SEPTIN9: variants seen among roughly 807,000 people sequenced by gnomAD.
SEPTIN9 encodes septin 9, also known as septin-9.
SEPTIN9 carries 13 observed loss-of-function variants against 56.6 expected under a neutral mutation model. That is an observed-to-expected ratio of 0.23 (90% confidence interval 0.15 to 0.37). The LOEUF (loss-of-function observed/expected upper bound fraction) is 0.37, where lower values mean the gene tolerates loss of function less well. Among genes scored for constraint, SEPTIN9 ranks in the 10% least tolerant of loss-of-function variants. SEPTIN9 has a pLI of 1.00. For missense variants in SEPTIN9, 650 were observed against 823.1 expected, an observed-to-expected ratio of 0.79 and a Z score of 2.57; for synonymous variants, 332 against 334.1, an observed-to-expected ratio of 0.99 and a Z score of 0.07.
rs879089431 is a variant in SEPTIN9, at chr17:77,429,693, C to T, written c.721+26990C>T. Reference sequence around the variant, plus strand: ...CAGGAGCTGGCCAGTAATAGGCTGACGAGGGAGGCCCTGCTGGCTGGGCCT... The same window carrying T: ...CAGGAGCTGGCCAGTAATAGGCTGATGAGGGAGGCCCTGCTGGCTGGGCCT... On this transcript the variant is annotated intron_variant, in intron 3 of 11. Transcript: ENST00000427177. This position sits in a 1 kb window ranked among gnomAD's most constrained non-coding sequence, Gnocchi z 5.2. Among the ~76,000 whole-genome samples the T allele has an allele frequency of 3.2e-4, 48 of 152,100 alleles. 1 individual carries two copies. The highest frequency in any genetic ancestry group is 1.1e-3 in the African/African-American group (44 of 41,488).
chr17:77,457,850 G>C (rs567695879), intron 3 of SEPTIN9, among the ~76,000 whole-genome samples: 1 of 152,328 alleles, frequency 6.6e-6, no homozygotes, highest in Admixed American at 6.5e-5. Flanking sequence ...AGTGCCTCCT[G>C]TAATGTTTTA....
rs150145635 is a variant in SEPTIN9 at position 77,350,939 on chromosome 17, G to T, written c.76+43742G>T. Among the ~76,000 whole-genome samples the T allele has an allele frequency of 3.7e-3, 561 of 151,536 alleles. 5 individuals carry two copies. The highest frequency in any genetic ancestry group is 0.012 in the African/African-American group (484 of 40,952). On this transcript the variant is annotated intron_variant, in intron 2 of 11. Coordinates refer to ENST00000427177, the MANE Select transcript of SEPTIN9 (RefSeq NM_001113491.2). ...ACAAGGAAGGGCTTTCCTGCAGGGG[G>T]GTGTGTGTGCCTGTGTGTGCCTGTG...
intron 3 of SEPTIN9, chr17:77,428,958 C>T (rs1234268373): frequency 2.2e-6 from 1 of 456,886 alleles, no homozygotes; most frequent in Non-Finnish European, 4.6e-6. Flanking sequence ...CATGTCACAG[C>T]CCTGGTTATA....
intron 3 of SEPTIN9, among the ~76,000 whole-genome samples, chr17:77,426,777 A>C (rs2036931248): frequency 6.6e-6 from 1 of 152,010 alleles, no homozygotes; most frequent in African/African-American, 2.4e-5. Context: ...CTTGCCGTTT[A>C]TTTGTTCATA....
chr17:77,488,811 C>A lies in SEPTIN9; in HGVS notation c.1209C>A (p.Ile403=), dbSNP rs567692033. The A allele has an allele frequency of 7.4e-6, 12 of 1,613,764 alleles. No individual in the cohort carries two copies. The highest frequency in any genetic ancestry group is 1.0e-5 in the Non-Finnish European group (12 of 1,179,856). Residue 403 remains isoleucine, a synonymous_variant, in exon 7 of 12, where the codon ATC becomes ATA. Coordinates refer to ENST00000427177, the MANE Select transcript of SEPTIN9 (RefSeq NM_001113491.2). ...TCAACATCAACCGCAAGAAGCGCAT[C>A]CCGGACACCCGCGTCCACTGCTGCC... The part of the protein sequence containing the change: ...EEVNINRKKR[I]PDTRVHCCLY...
intron 2 of SEPTIN9, among the ~76,000 whole-genome samples, chr17:77,325,881 G>A (rs977462551): frequency 3.3e-5 from 5 of 152,136 alleles, no homozygotes; most frequent in African/African-American, 7.2e-5. Context: ...CACCACATGG[G>A]TTTCCACTGT....
At chr17:77,383,323 C>T (rs2035215004) in intron 2 of SEPTIN9, among the ~76,000 whole-genome samples, 1 of 152,154 alleles carries the variant, frequency 6.6e-6, no homozygotes, top group South Asian at 2.1e-4. Context: ...TAATTGAGCA[C>T]CTCCTAGGTG....
At chr17:77,306,747 C>T (rs1349752981) in intron 1 of SEPTIN9, among the ~76,000 whole-genome samples, 1 of 152,158 alleles carries the variant, frequency 6.6e-6, no homozygotes, top group African/African-American at 2.4e-5. Context: ...AGACTCCGTC[C>T]AGCAGAGACA....
Position 77,313,016 on chromosome 17 carries a change from C to T in SEPTIN9, c.76+5819C>T, listed in dbSNP as rs138604699. Among the ~76,000 whole-genome samples, 1 of 152,236 alleles carries T rather than the reference C, an allele frequency of 6.6e-6. No individual in the cohort carries two copies. Among genetic ancestry groups the T allele is most frequent in the African/African-American group, 2.4e-5 (1 of 41,532 alleles). ...GGGGCGCTGGTTTAGATCATCTTCA[C>T]GTTGGATCCACAAATTCATTGTTTA... On this transcript the variant is annotated intron_variant, in intron 2 of 11. Coordinates refer to ENST00000427177, the MANE Select transcript of SEPTIN9 (RefSeq NM_001113491.2). This position sits in a 1 kb window ranked among gnomAD's most constrained non-coding sequence, Gnocchi z 4.5.
Position 77,317,954 on chromosome 17 carries a change from G to A in SEPTIN9, c.76+10757G>A, listed in dbSNP as rs2032767841. On this transcript the variant is annotated intron_variant, in intron 2 of 11. Transcript: ENST00000427177. This position sits in a 1 kb window ranked among gnomAD's most constrained non-coding sequence, Gnocchi z 4.2. ...TAGTCCCAGCTTCTTGGGAGGCTGA[G>A]GCAGAAGAATTGCTTGAACCCAGGT... 6.6e-6 allele frequency among the ~76,000 whole-genome samples: 1 copy of A among 152,102 alleles called. No individual in the cohort carries two copies. Among genetic ancestry groups the A allele is most frequent in the Non-Finnish European group, 1.5e-5 (1 of 68,022 alleles).
chr17:77,296,798 A>T (rs1008216470), intron 1 of SEPTIN9, among the ~76,000 whole-genome samples: 1 of 152,206 alleles, frequency 6.6e-6, no homozygotes, highest in African/African-American at 2.4e-5. Flanking sequence ...GGTTGCAGTG[A>T]GCTGAGATCA....
rs1453690035 is a variant in SEPTIN9, at chr17:77,327,368, C to T, written c.76+20171C>T. ...AACGGCCAGAGCTTCTGAAGCCGCT[C>T]GCTGTGTGCCCCCGCCTGGCCCCAT... On this transcript the variant is annotated intron_variant, in intron 2 of 11. Coordinates refer to ENST00000427177, the MANE Select transcript of SEPTIN9 (RefSeq NM_001113491.2). The surrounding 1 kb of genome is among the most constrained non-coding windows in gnomAD (Gnocchi z 5.0). 2.0e-5 allele frequency among the ~76,000 whole-genome samples: 3 copies of T among 152,196 alleles called. No homozygotes were observed. The highest frequency in any genetic ancestry group is 4.4e-5 in the Non-Finnish European group (3 of 68,030).
In SEPTIN9 at chr17:77,451,278, C is replaced by T. The variant is rs2037956606; in HGVS notation, c.722-30866C>T. ...GGTTGCTTCTGCGCCGGGCCTGCCG[C>T]TGGGCGCCCCTATCTCTGCCTGCCC... On this transcript the variant is annotated intron_variant, in intron 3 of 11. Coordinates refer to ENST00000427177, the MANE Select transcript of SEPTIN9 (RefSeq NM_001113491.2). This position sits in a 1 kb window ranked among gnomAD's most constrained non-coding sequence, Gnocchi z 4.2. 17 of 789,842 alleles carry T rather than the reference C, an allele frequency of 2.2e-5. No individual in the cohort carries two copies. The highest frequency in any genetic ancestry group is 2.6e-5 in the Non-Finnish European group (17 of 650,996). The allele number at this position is 789,842 out of a possible 1,614,324, so 48.9% of individuals were successfully genotyped here.
At position 77,345,931 on chromosome 17, in the gene SEPTIN9, G is replaced by GTTGTTTTGTT. The variant is rs10535531; in HGVS notation, c.76+38763_76+38772dup. Among the ~76,000 whole-genome samples the GTTGTTTTGTT allele has an allele frequency of 4.3e-4, 64 of 149,094 alleles. 1 individual carries two copies. Among genetic ancestry groups the GTTGTTTTGTT allele is most frequent in the Middle Eastern group, 3.4e-3 (1 of 294 alleles). On this transcript the variant is annotated intron_variant, in intron 2 of 11. Transcript: ENST00000427177. ...TTTTTCCAGATTCTTTGTTTTTTTT[G>GTTGTTTTGTT]TTGTTTTGTTTTGTTTTGTTTTGTT...
At position 77,402,208 on chromosome 17, in the gene SEPTIN9, C is replaced by T. The variant is rs202079794; in HGVS notation, c.226C>T (p.Arg76Cys). 347 of 1,613,600 alleles carry T rather than the reference C, an allele frequency of 2.2e-4. No homozygotes were observed. Among genetic ancestry groups the T allele is most frequent in the Non-Finnish European group, 2.5e-4 (291 of 1,179,892 alleles). Residue 76 changes from arginine (R) to cysteine (C), a missense_variant, in exon 3 of 12, where the codon CGC becomes TGC. Transcript: ENST00000427177. This position sits in a 1 kb window ranked among gnomAD's most constrained non-coding sequence, Gnocchi z 6.6. ...CGTGAAGAACTCAGAACCCTCGGCC[C>T]GCCATGTGGACTCCCTAAGCCAACG... Reference protein sequence around the residue: ...LGVKNSEPSARHVDSLSQRSP... With the variant: ...LGVKNSEPSACHVDSLSQRSP...
chr17:77,288,465 T>C (rs1325752421), intron 1 of SEPTIN9, among the ~76,000 whole-genome samples: 2 of 152,178 alleles, frequency 1.3e-5, no homozygotes, highest in African/African-American at 4.8e-5. Context: ...CGGGTGAGTG[T>C]GGTTACCAGG....
In SEPTIN9 at chr17:77,410,071, G is replaced by C. The variant is rs528008884; in HGVS notation, c.721+7368G>C. 2.0e-5 allele frequency among the ~76,000 whole-genome samples: 3 copies of C among 152,294 alleles called. No homozygotes were observed. The East Asian group carries it at 5.8e-4, about 29-fold the overall frequency. On this transcript the variant is annotated intron_variant, in intron 3 of 11. Coordinates refer to ENST00000427177, the MANE Select transcript of SEPTIN9 (RefSeq NM_001113491.2). The stretch of plus-strand genomic sequence containing the variant: ...GTGACTCTGTCTCCTTCAGTCCAAG[G>C]GGGGCTCCTGGGGTATGGGCTGTAA...
rs1372590442 is a variant in SEPTIN9 at position 77,329,982 on chromosome 17, G to A, written c.76+22785G>A. ...GCTGCAGTCCATGCCCCCGCTCCAG[G>A]CAACACAGTCGAGCTGCAGCCCCCG... On this transcript the variant is annotated intron_variant, in intron 2 of 11. Transcript: ENST00000427177. The surrounding 1 kb of genome is among the most constrained non-coding windows in gnomAD (Gnocchi z 4.3). 6.6e-6 allele frequency among the ~76,000 whole-genome samples: 1 copy of A among 152,160 alleles called. No homozygotes were observed. Among genetic ancestry groups the A allele is most frequent in the Non-Finnish European group, 1.5e-5 (1 of 68,012 alleles).
intron 2 of SEPTIN9, among the ~76,000 whole-genome samples, chr17:77,309,462 C>T (rs1036644789): frequency 6.6e-6 from 1 of 152,212 alleles, no homozygotes; most frequent in Admixed American, 6.5e-5. Context: ...TGCTAAGACC[C>T]TGGTCCAGGC....
Sources: gnomAD v4.1 joint callset for allele counts (sites outside exome capture counted in the v4.1 genomes callset) on GRCh38, gnomAD v4.1.1 for gene constraint, Gnocchi (gnomAD v3.1) non-coding constraint, MANE v1.5 for transcripts, NCBI Gene and HGNC (gene_info 2026-07-23, HGNC 2026-07-21) for gene names.